GLIS3: variants seen among roughly 807,000 people sequenced by gnomAD.
GLIS3 encodes the protein zinc finger protein GLIS3.
In GLIS3, 53 loss-of-function variants were observed where a neutral mutation model predicts 78.6. The ratio of observed to expected loss-of-function variants is 0.67; its 90% CI spans 0.54 to 0.85. The LOEUF is 0.85. Among genes scored for constraint, GLIS3 ranks in the 40% least tolerant of loss-of-function variants. GLIS3 has a pLI of 0.00. For missense variants in GLIS3, 1,703 were observed against 1,231.1 expected, an observed-to-expected ratio of 1.38 and a Z score of -5.74; for synonymous variants, 684 against 509.9, an observed-to-expected ratio of 1.34 and a Z score of -4.60.
intron 2 of GLIS3, among the ~76,000 whole-genome samples, chr9:4,334,381 T>G (rs1162532283): frequency 6.6e-6 from 1 of 152,158 alleles, no homozygotes; most frequent in Non-Finnish European, 1.5e-5. Context: ...ACAGAAAAGG[T>G]TGGCTGTCAA....
chr9:3,835,102 G>T (rs1818271084), intron 9 of GLIS3, among the ~76,000 whole-genome samples: 2 of 152,292 alleles, frequency 1.3e-5, no homozygotes, highest in South Asian at 4.1e-4. Flanking sequence ...GATAAGTCAT[G>T]ATCTGTGTAC....
chr9:4,246,737 C>A (rs1823839179), intron 2 of GLIS3, among the ~76,000 whole-genome samples: 1 of 152,194 alleles, frequency 6.6e-6, no homozygotes, highest in African/African-American at 2.4e-5. Context: ...TAAAACAAAA[C>A]TGCATGTGGC....
intron 2 of GLIS3, among the ~76,000 whole-genome samples, chr9:4,165,883 A>C (rs187311962): frequency 5.9e-5 from 9 of 152,314 alleles, no homozygotes; most frequent in Non-Finnish European, 1.0e-4. Context: ...GGGAATCTCC[A>C]ATGTTTGGGG....
At chr9:4,256,160 G>C (rs1057438048) in intron 2 of GLIS3, among the ~76,000 whole-genome samples, 1 of 152,010 alleles carries the variant, frequency 6.6e-6, no homozygotes, top group Non-Finnish European at 1.5e-5. Flanking sequence ...AGCGACCCCA[G>C]GTAAAGCACC....
At chr9:4,387,257 T>A in the GLIS3 span, among the ~76,000 whole-genome samples, 1 of 152,194 alleles carries the variant, frequency 6.6e-6, no homozygotes, top group Non-Finnish European at 1.5e-5. Context: ...TGTTGGGGCC[T>A]AGTGTATGAG....
In GLIS3 at chr9:3,965,188, CTTTTCTT is replaced by C. The variant is rs1170682156; in HGVS notation, c.1711-28006_1711-28000del. 1.0e-4 allele frequency among the ~76,000 whole-genome samples: 10 copies of C among 99,020 alleles called. 1 individual carries two copies. The highest frequency in any genetic ancestry group is 3.2e-4 in the African/African-American group (8 of 25,356). 65.0% of individuals were successfully genotyped at this position (99,020 alleles called of 152,430 possible). A position where few individuals can be genotyped will look rare whatever the true frequency, so the allele number is the denominator to read the frequency against. On this transcript the variant is annotated intron_variant, in intron 4 of 10. Coordinates refer to ENST00000381971, the MANE Select transcript of GLIS3 (RefSeq NM_001042413.2). ...TACTTCTTTTCTATTTCTTTCTTTT[CTTTTCTT>C]TTTTTTTTTTTTTTTTTGAGACAGA...
At chr9:4,466,730 T>C in the GLIS3 span, among the ~76,000 whole-genome samples, 3 of 152,178 alleles carry the variant, frequency 2.0e-5, no homozygotes, top group African/African-American at 7.2e-5. Context: ...ACGCAGAAGA[T>C]GGGTGATTTC....
intron 4 of GLIS3, among the ~76,000 whole-genome samples, chr9:4,027,815 A>T (rs774795033): frequency 1.9e-4 from 29 of 152,342 alleles, no homozygotes; most frequent in Non-Finnish European, 1.9e-4. Flanking sequence ...AAATGAGAAC[A>T]GACAGCCCCG....
At chr9:4,359,301 G>A in the GLIS3 span, among the ~76,000 whole-genome samples, 4 of 151,960 alleles carry the variant, frequency 2.6e-5, no homozygotes, top group African/African-American at 7.3e-5. Context: ...TGGCTCATCA[G>A]ATCTTTTCTC....
chr9:4,111,796 C>G (rs978958238), intron 4 of GLIS3, among the ~76,000 whole-genome samples: 1 of 152,100 alleles, frequency 6.6e-6, no homozygotes, highest in African/African-American at 2.4e-5. Context: ...AGACCGATGC[C>G]TTGTGGGATA....
chr9:3,858,499 T>C (rs946479208), intron 8 of GLIS3, among the ~76,000 whole-genome samples: 15 of 152,118 alleles, frequency 9.9e-5, no homozygotes, highest in Non-Finnish European at 1.9e-4. Flanking sequence ...GAATAAAATA[T>C]CATGGCTTCA....
intron 2 of GLIS3, among the ~76,000 whole-genome samples, chr9:4,209,623 A>G (rs1055154044): frequency 6.6e-6 from 1 of 152,152 alleles, no homozygotes; most frequent in Non-Finnish European, 1.5e-5. Flanking sequence ...TAATGATAGC[A>G]CTTGTCAGGA....
In GLIS3 at chr9:3,902,627, C is replaced by T. The variant is rs1008465555; in HGVS notation, c.1984-3792G>A. On this transcript the variant is annotated intron_variant, in intron 6 of 10. Coordinates refer to ENST00000381971, the MANE Select transcript of GLIS3 (RefSeq NM_001042413.2). ...GGGGATGTATCAGAATCACCTGCAG[C>T]GCCCCACCCCAGAGCTGCTCATTCA... 3.9e-5 allele frequency among the ~76,000 whole-genome samples: 6 copies of T among 152,122 alleles called. No individual in the cohort carries two copies. The East Asian group carries it at 5.8e-4, about 15-fold the overall frequency.
intron 7 of GLIS3, among the ~76,000 whole-genome samples, chr9:3,890,652 T>A (rs1822370589): frequency 6.6e-6 from 1 of 152,136 alleles, no homozygotes; most frequent in African/African-American, 2.4e-5. Context: ...CTCCCCAAAC[T>A]GAACATCTAG....
At chr9:4,405,681 C>A in the GLIS3 span, among the ~76,000 whole-genome samples, 4 of 151,974 alleles carry the variant, frequency 2.6e-5, no homozygotes, top group Non-Finnish European at 5.9e-5. Context: ...TCAAACTGTT[C>A]TGAAAAATAG....
chr9:3,936,475 T>TG (rs1404655361), intron 5 of GLIS3, among the ~76,000 whole-genome samples: 4 of 152,160 alleles, frequency 2.6e-5, no homozygotes, highest in Non-Finnish European at 5.9e-5. Context: ...AGTGAACTCT[T>TG]GGGAAAGATT....
At chr9:4,015,377 T>G (rs1282085269) in intron 4 of GLIS3, among the ~76,000 whole-genome samples, 1 of 152,214 alleles carries the variant, frequency 6.6e-6, no homozygotes, top group Admixed American at 6.5e-5. Flanking sequence ...TCACAAAATG[T>G]TAATGAGATG....
At chr9:4,324,331 C>T (rs1817573253) in intron 2 of GLIS3, among the ~76,000 whole-genome samples, 2 of 152,094 alleles carry the variant, frequency 1.3e-5, no homozygotes, top group African/African-American at 4.8e-5. Flanking sequence ...GTGACCCTTG[C>T]CACTTATTTT....
intron 2 of GLIS3, among the ~76,000 whole-genome samples, chr9:4,205,450 G>T (rs950923124): frequency 1.3e-5 from 2 of 152,230 alleles, no homozygotes; most frequent in African/African-American, 2.4e-5. Context: ...AAGGAGATAT[G>T]TTCTGGGGAT....
Sources: gnomAD v4.1 joint callset for allele counts (sites outside exome capture counted in the v4.1 genomes callset) on GRCh38, gnomAD v4.1.1 for gene constraint, MANE v1.5 for transcripts, NCBI Gene and HGNC (gene_info 2026-07-23, HGNC 2026-07-21) for gene names.